The following PTDSS1 variants were observed in gnomAD, a reference collection of about 807,000 sequenced individuals.
PTDSS1 encodes PSS-1.
A neutral mutation model predicts 70.5 loss-of-function variants in PTDSS1; 45 were observed. The observed-to-expected ratio is 0.64, with a 90% CI of 0.50 to 0.82. The LOEUF (loss-of-function observed/expected upper bound fraction) is 0.82, where lower values mean the gene tolerates loss of function less well. PTDSS1 is among the 40% of genes least tolerant of loss of function. The pLI is 0.00. For synonymous variants in PTDSS1, 188 were observed against 203.8 expected (o/e 0.92, Z 0.66); for missense variants, 417 against 586.1 (o/e 0.71, Z 2.98).
chr8:96,302,112 G>T (rs912767763), intron 6 of PTDSS1, among the ~76,000 whole-genome samples: 6 of 151,976 alleles, frequency 3.9e-5, no homozygotes, highest in African/African-American at 1.4e-4. Context: ...TCCACTTCCC[G>T]GGTTTAAGCA....
intron 1 of PTDSS1, among the ~76,000 whole-genome samples, chr8:96,269,399 T>TG (rs1413579836): frequency 6.6e-6 from 1 of 152,228 alleles, no homozygotes; most frequent in East Asian, 1.9e-4. Flanking sequence ...CACTGCAGAC[T>TG]GGGGCATTTT....
At chr8:96,332,284 A>T (rs1811528683) in intron 12 of PTDSS1, among the ~76,000 whole-genome samples, 1 of 152,198 alleles carries the variant, frequency 6.6e-6, no homozygotes, top group Admixed American at 6.5e-5. Context: ...AATCCTTATA[A>T]GCTACTTGGG....
chr8:96,333,388 G>A (rs1333102129), intron 12 of PTDSS1, 69 bp from the exon 13 acceptor site: 1 of 1,383,828 alleles, frequency 7.2e-7, no homozygotes. Context: ...AGCCTAGGGC[G>A]GTCTGGAAAG....
intron 8 of PTDSS1, among the ~76,000 whole-genome samples, chr8:96,307,670 G>A (rs1003195560): frequency 6.6e-6 from 1 of 151,942 alleles, no homozygotes; most frequent in East Asian, 1.9e-4. Flanking sequence ...TTTCTTAATG[G>A]TTTAGAGTCC....
In PTDSS1 at chr8:96,299,802, T is replaced by G; in HGVS notation, c.709T>G (p.Cys237Gly). 2 of 1,614,168 alleles carry G rather than the reference T, an allele frequency of 1.2e-6. No individual in the cohort carries two copies. Among genetic ancestry groups the G allele is most frequent in the Non-Finnish European group, 1.7e-6 (2 of 1,180,032 alleles). ...TGGCATTTGGCTGGGCATGGTCGTT[T>G]GCCGGTTTTTAGAGATGAGGACTTA... ...GGGIWLGMVV[C>G]RFLEMRTYHW... The change falls in exon 6 of 13, where the codon TGC (cysteine) becomes GGC (glycine). Residue 237 changes from cysteine to glycine, a missense_variant. Transcript: ENST00000517309.
intron 4 of PTDSS1, among the ~76,000 whole-genome samples, chr8:96,293,597 T>G (rs937393611): frequency 1.3e-5 from 2 of 152,256 alleles, no homozygotes; most frequent in African/African-American, 4.8e-5. Flanking sequence ...TCAGGTCTTA[T>G]GAGGGGATAA....
In PTDSS1 at chr8:96,268,909, C is replaced by G. The variant is rs942186993; in HGVS notation, c.180-4390C>G. Among the ~76,000 whole-genome samples the G allele has an allele frequency of 5.9e-5, 9 of 152,296 alleles. 1 individual carries two copies. The highest frequency in any genetic ancestry group is 3.9e-4 in the Admixed American group (6 of 15,306). On this transcript the variant is annotated intron_variant, in intron 1 of 12. Coordinates refer to ENST00000517309, the MANE Select transcript of PTDSS1 (RefSeq NM_014754.3). Reference sequence around the variant, plus strand: ...ACGTTACCTGAGTCACTGGCCTACTCTGTCATATCATCTTGCTCATTCTTG... The same window carrying G: ...ACGTTACCTGAGTCACTGGCCTACTGTGTCATATCATCTTGCTCATTCTTG...
rs1810954566 is a variant in PTDSS1 at position 96,294,965 on chromosome 8, CTT to C, written c.442-131_442-130del. The C allele has an allele frequency of 4.9e-6, 4 of 817,984 alleles. No homozygotes were observed. The Admixed American group carries it at 1.5e-4, about 31-fold the overall frequency. The allele number at this position is 817,984 out of a possible 1,614,324, so 50.7% of individuals were successfully genotyped here. Reference sequence around the variant, plus strand: ...CCTCAAGGCCCTTAAGTTATTAAAACTTTCTCATTTGTTACTGAGCAGGACTT... The same window carrying C: ...CCTCAAGGCCCTTAAGTTATTAAAACTCTCATTTGTTACTGAGCAGGACTT... On this transcript the variant is annotated intron_variant, in intron 4 of 12. Coordinates refer to ENST00000517309, the MANE Select transcript of PTDSS1 (RefSeq NM_014754.3).
chr8:96,264,160 C>T (rs1810454898), intron 1 of PTDSS1, among the ~76,000 whole-genome samples: 1 of 152,206 alleles, frequency 6.6e-6, no homozygotes, highest in African/African-American at 2.4e-5. Flanking sequence ...TCAAATACTT[C>T]ATTATGTTGC....
intron 4 of PTDSS1, among the ~76,000 whole-genome samples, chr8:96,294,827 C>A (rs1810952452): frequency 6.6e-6 from 1 of 152,148 alleles, no homozygotes; most frequent in Non-Finnish European, 1.5e-5. Flanking sequence ...GATACCACTT[C>A]TTTAGGATAT....
rs1810941755 is a variant in PTDSS1 at position 96,293,943 on chromosome 8, A to G, written c.442-1155A>G. ...CTCTGTCAGCCTGTGATTCTCTGTG[A>G]CAAGAACGTGCTGTTCCAGAGTCCG... On this transcript the variant is annotated intron_variant, in intron 4 of 12. Coordinates refer to ENST00000517309, the MANE Select transcript of PTDSS1 (RefSeq NM_014754.3). Among the ~76,000 whole-genome samples the G allele has an allele frequency of 2.0e-5, 3 of 152,188 alleles. No individual in the cohort carries two copies. In the South Asian group the frequency reaches 6.2e-4, roughly 32 times the overall value.
In PTDSS1 at chr8:96,335,333, GC is replaced by G. The variant is rs1396184902; in HGVS notation, c.*1768del. The G allele has an allele frequency of 6.6e-6, 1 of 152,198 alleles. No homozygotes were observed. Among genetic ancestry groups the G allele is most frequent in the African/African-American group, 2.4e-5 (1 of 41,456 alleles). 9.4% of individuals were successfully genotyped at this position (152,198 alleles called of 1,614,324 possible). A position where few individuals can be genotyped will look rare whatever the true frequency, so the allele number is the denominator to read the frequency against. ...TATGTTTTGTTTCATCCTGTGTTCT[GC>G]TTTTCTAAGCATGACATACTTGTGC... On this transcript the variant is annotated 3_prime_UTR_variant, in exon 13 of 13. Coordinates refer to ENST00000517309, the MANE Select transcript of PTDSS1 (RefSeq NM_014754.3).
At chr8:96,279,818 C>CAAATAAAT (rs10615614) in intron 2 of PTDSS1, among the ~76,000 whole-genome samples, 7,516 of 148,538 alleles carry the variant, frequency 0.051, 606 homozygotes, top group African/African-American at 0.17. Context: ...TACTCCATCT[C>CAAATAAAT]AAATAAATAA....
At chr8:96,321,616 A>G (rs774509918) in intron 10 of PTDSS1, among the ~76,000 whole-genome samples, 1 of 151,956 alleles carries the variant, frequency 6.6e-6, no homozygotes, top group Non-Finnish European at 1.5e-5. Context: ...TGTCCTCTGT[A>G]TTTTCTGTAA....
chr8:96,304,025 A>C lies in PTDSS1; in HGVS notation c.753-15A>C. The C allele has an allele frequency of 6.3e-7, 1 of 1,596,088 alleles. No individual in the cohort carries two copies. The highest frequency in any genetic ancestry group is 8.5e-7 in the Non-Finnish European group (1 of 1,174,304). ...TTATCTCTGGATTTTCACTGGAGCC[A>C]TTCTCTTCTTACAGGGACATTCATA... On this transcript the variant is annotated splice_polypyrimidine_tract_variant and intron_variant, in intron 6 of 12. Transcript: ENST00000517309.
intron 4 of PTDSS1, among the ~76,000 whole-genome samples, chr8:96,290,603 C>G (rs1780483953): frequency 6.6e-6 from 1 of 152,144 alleles, no homozygotes. Flanking sequence ...GCCTCATCTT[C>G]TCCATCTCTA....
intron 9 of PTDSS1, among the ~76,000 whole-genome samples, chr8:96,312,383 A>T (rs1811224865): frequency 6.6e-6 from 1 of 152,044 alleles, no homozygotes; most frequent in East Asian, 1.9e-4. Flanking sequence ...CCAGGATGTC[A>T]AGGAGGTCAA....
chr8:96,278,587 A>C (rs1200336165), intron 2 of PTDSS1, among the ~76,000 whole-genome samples: 1 of 152,148 alleles, frequency 6.6e-6, no homozygotes, highest in Non-Finnish European at 1.5e-5. Context: ...TTCCTTACAA[A>C]AATGTTTTAA....
At chr8:96,323,360 A>G (rs1811398142) in intron 10 of PTDSS1, among the ~76,000 whole-genome samples, 1 of 152,228 alleles carries the variant, frequency 6.6e-6, no homozygotes. Flanking sequence ...CCCCTGTGGC[A>G]GGTTTTTGCC....
Sources: allele counts gnomAD v4.1 joint callset (sites outside exome capture counted in the v4.1 genomes callset), GRCh38; gene constraint gnomAD v4.1.1; transcripts MANE v1.5; gene names NCBI Gene and HGNC (gene_info 2026-07-23, HGNC 2026-07-21).